Variants in KDM6B observed in about 807,000 individuals in gnomAD.
KDM6B encodes the protein lysine demethylase 6B, also known as lysine-specific demethylase 6B.
KDM6B carries 22 observed loss-of-function variants against 150.4 expected under a neutral mutation model. The ratio of observed to expected loss-of-function variants is 0.15; its 90% confidence interval spans 0.10 to 0.21. The LOEUF (loss-of-function observed/expected upper bound fraction) is 0.21. Ranked by LOEUF, KDM6B falls within the 10% of genes least tolerant of loss-of-function variation. KDM6B has a pLI of 1.00. For synonymous variants in KDM6B, 1,148 were observed against 921.1 expected (o/e 1.25, Z -4.46); for missense variants, 1,984 against 2,234.3 (o/e 0.89, Z 2.26).
In KDM6B at chr17:7,847,168, C is replaced by G. The variant is rs553264011; in HGVS notation, c.973C>G (p.Pro325Ala). ...AGCTCCAGCGTACACCGCGCACCCC[C>G]CTGGCCACCGGCTGGTCCCGGCTGC... is the stretch of plus-strand genomic sequence containing the variant. ...YPAPAYTAHP[P>A]GHRLVPAAPP... is the part of the protein sequence containing the mutation. Residue 325 changes from proline to alanine, a missense_variant, in exon 11 of 24, where the codon CCT becomes GCT. Physicochemically the swap from Pro to Ala is conservative, Grantham distance 27. Around this residue, in one of 13 missense-constraint regions of KDM6B, gnomAD observed 1,379 missense variants for 1,275.6 expected, o/e 1.08. Coordinates refer to ENST00000448097, the MANE Select transcript of KDM6B (RefSeq NM_001348716.2). 13 of 1,606,312 alleles carry G rather than the reference C, an allele frequency of 8.1e-6. No individual in the cohort carries two copies. In the South Asian group the frequency reaches 1.2e-4, roughly 15 times the overall value.
At position 7,847,576 on chromosome 17, in the gene KDM6B, C is replaced by T; in HGVS notation, c.1288C>T (p.Leu430=). ...PGADHYQTPA[L]EVSHHGRLGP... ...CGCTGACCATTACCAAACTCCCGCG[C>T]TGGAGGTCTCTCACCATGGCCGCCT... The change falls in exon 12 of 24, where the codon CTG becomes TTG. Residue 430 remains leucine, a synonymous_variant. Coordinates refer to ENST00000448097, the MANE Select transcript of KDM6B (RefSeq NM_001348716.2). The T allele has an allele frequency of 6.2e-7, 1 of 1,613,326 alleles. No individual in the cohort carries two copies. Among genetic ancestry groups the T allele is most frequent in the Non-Finnish European group, 8.5e-7 (1 of 1,179,944 alleles).
At position 7,854,712 on chromosome 17, in the gene KDM6B, G is replaced by A. The variant is rs751631671; in HGVS notation, c.*1191G>A. The A allele has an allele frequency of 4.3e-6, 1 of 230,246 alleles. No homozygotes were observed. Among genetic ancestry groups the A allele is most frequent in the Non-Finnish European group, 8.8e-6 (1 of 113,374 alleles). 14.3% of individuals were successfully genotyped at this position (230,246 alleles called of 1,614,324 possible). ...ACTGCACTGTCTCTCTGCCCCAGGGGCAGAGGGGTCTTCCCAACCCTACCC... is the reference window on the plus strand; with the variant it reads ...ACTGCACTGTCTCTCTGCCCCAGGGACAGAGGGGTCTTCCCAACCCTACCC... On this transcript the variant is annotated 3_prime_UTR_variant, in exon 24 of 24. Transcript: ENST00000448097.
rs1266301433 is a variant in KDM6B at position 7,848,430 on chromosome 17, A to C, written c.2142A>C (p.Gln714His). 6.2e-7 allele frequency: 1 copy of C among 1,613,124 alleles called. No homozygotes were observed. The highest frequency in any genetic ancestry group is 2.2e-5 in the East Asian group (1 of 44,866). ...ESIRKEEEQQQHEAGVAPQPP... is the reference protein window; with the variant it reads ...ESIRKEEEQQHHEAGVAPQPP... The stretch of plus-strand genomic sequence containing the variant: ...TTCGCAAGGAAGAGGAACAGCAACA[A>C]CACGAAGCAGGCGTGGCCCCCCAAC... Residue 714 changes from glutamine to histidine, a missense_variant, in exon 12 of 24, where the codon CAA becomes CAC. Around this residue, in one of 13 missense-constraint regions of KDM6B, gnomAD observed 1,379 missense variants for 1,275.6 expected, o/e 1.08. Transcript: ENST00000448097.
intron 20 of KDM6B, 47 bp downstream of exon 20, chr17:7,852,383 A>G: frequency 6.3e-7 from 1 of 1,593,618 alleles, no homozygotes; most frequent in African/African-American, 1.3e-5. Flanking sequence ...CCTCAGCGGC[A>G]AGGGCCTGGG....
At chr17:7,846,049 C>T (rs775880300) in intron 6 of KDM6B, 29 bp from the exon 7 acceptor site, 1 of 1,322,546 alleles carries the variant, frequency 7.6e-7, no homozygotes, top group Non-Finnish European at 1.1e-6. Context: ...CCAACCCCCA[C>T]CCACACCCCC....
At chr17:7,852,778 T>C in intron 21 of KDM6B, 142 bp downstream of exon 21, 1 of 1,337,472 alleles carries the variant, frequency 7.5e-7, no homozygotes, top group Non-Finnish European at 1.1e-6. Context: ...GGAGGCTAAC[T>C]AGGTCCTTGC....
chr17:7,847,537 C>A lies in KDM6B; in HGVS notation c.1258-9C>A, dbSNP rs750692519. On this transcript the variant is annotated splice_polypyrimidine_tract_variant and intron_variant, in intron 11 of 23. Coordinates refer to ENST00000448097, the MANE Select transcript of KDM6B (RefSeq NM_001348716.2). ...GCAATGCTCCTACCACCTGCTTCTA[C>A]ACTTGCAGCCCGGCGCTGACCATTA... is the stretch of plus-strand genomic sequence containing the variant. The A allele has an allele frequency of 1.2e-6, 2 of 1,613,208 alleles. No homozygotes were observed. The highest frequency in any genetic ancestry group is 3.3e-5 in the Admixed American group (2 of 59,986).
chr17:7,845,702 G>C lies in KDM6B; in HGVS notation c.137+11G>C. 2 of 1,614,090 alleles carry C rather than the reference G, an allele frequency of 1.2e-6. No individual in the cohort carries two copies. The highest frequency in any genetic ancestry group is 1.7e-6 in the Non-Finnish European group (2 of 1,180,010). Reference sequence around the variant, plus strand: ...GCTGCCTGGAGGCAGGTGAGAAGTTGGGGCCCTCTGTCTCCAGGCACACCT... The same window carrying C: ...GCTGCCTGGAGGCAGGTGAGAAGTTCGGGCCCTCTGTCTCCAGGCACACCT... On this transcript the variant is annotated intron_variant, in intron 5 of 23. Transcript: ENST00000448097.
intron 1 of KDM6B, among the ~76,000 whole-genome samples, chr17:7,836,678 C>T (rs865976578): frequency 6.6e-6 from 1 of 152,250 alleles, no homozygotes. Context: ...GGCAAGAGGC[C>T]TGAGTCCCTG....
chr17:7,838,086 T>G (rs111336820), intron 1 of KDM6B, among the ~76,000 whole-genome samples: 1 of 151,420 alleles, frequency 6.6e-6, no homozygotes, highest in African/African-American at 2.4e-5. Flanking sequence ...GTTCTTGATT[T>G]TGAAGCAAGA....
At chr17:7,850,427 G>A (rs1158959460) in intron 14 of KDM6B, among the ~76,000 whole-genome samples, 1 of 152,224 alleles carries the variant, frequency 6.6e-6, no homozygotes, top group African/African-American at 2.4e-5. Flanking sequence ...GAATAATACA[G>A]ATTTTAGAAA....
rs1479870600 is a variant in KDM6B at position 7,848,597 on chromosome 17, A to C, written c.2309A>C (p.Lys770Thr). ...TTTATQEEEK[K>T]PPPALPPPPP... is the part of the protein sequence containing the mutation. The stretch of plus-strand genomic sequence containing the variant: ...ACGGCCACCCAGGAAGAGGAGAAGA[A>C]GCCACCACCAGCCCTACCACCACCA... Residue 770 changes from lysine (K) to threonine (T), a missense_variant, in exon 12 of 24, where the codon AAG becomes ACG. Lys to Thr is a moderately conservative substitution (Grantham distance 78). Around this residue, in one of 13 missense-constraint regions of KDM6B, gnomAD observed 1,379 missense variants for 1,275.6 expected, o/e 1.08. Coordinates refer to ENST00000448097, the MANE Select transcript of KDM6B (RefSeq NM_001348716.2). 6 of 1,597,156 alleles carry C rather than the reference A, an allele frequency of 3.8e-6. No individual in the cohort carries two copies. The Middle Eastern group carries it at 8.8e-4, about 233-fold the overall frequency.
chr17:7,847,791 A>T lies in KDM6B; in HGVS notation c.1503A>T (p.Leu501Phe), dbSNP rs964819750. ...CAGCCCGAGAGGATGGAGAGATCTT[A>T]GAAGAGCTCTTCTTTGGGACTGAGG... ...CRAAREDGEI[L>F]EELFFGTEGP... Residue 501 changes from leucine to phenylalanine, a missense_variant, in exon 12 of 24, where the codon TTA becomes TTT. Coordinates refer to ENST00000448097, the MANE Select transcript of KDM6B (RefSeq NM_001348716.2). 1 of 1,544,590 alleles carries T rather than the reference A, an allele frequency of 6.5e-7. No individual in the cohort carries two copies. Among genetic ancestry groups the T allele is most frequent in the Non-Finnish European group, 8.7e-7 (1 of 1,146,174 alleles).
rs373904350 is a variant in KDM6B, at chr17:7,851,937, G to A, written c.4166-14G>A. On this transcript the variant is annotated splice_polypyrimidine_tract_variant and intron_variant, in intron 18 of 23. Coordinates refer to ENST00000448097, the MANE Select transcript of KDM6B (RefSeq NM_001348716.2). ...GACCTGGCCAGCCATGCCGTTCTCT[G>A]TCGACCCCTGCAGGCCACCAGGAGA... The A allele has an allele frequency of 3.1e-6, 5 of 1,612,710 alleles. No homozygotes were observed. The highest frequency in any genetic ancestry group is 3.3e-4 in the Middle Eastern group (2 of 6,084).
In KDM6B at chr17:7,848,229, C is replaced by G. The variant is rs762667743; in HGVS notation, c.1941C>G (p.Gly647=). ...AGGTGGGGCCGGGGCCACCCCCAGG[C>G]CCCCTGAGTAAAGCCCCCCAGCCTG... ...TPEVGPGPPP[G]PLSKAPQPVP... Residue 647 remains glycine, a synonymous_variant, in exon 12 of 24, where the codon GGC becomes GGG. Coordinates refer to ENST00000448097, the MANE Select transcript of KDM6B (RefSeq NM_001348716.2). The G allele has an allele frequency of 9.3e-6, 15 of 1,610,632 alleles. No homozygotes were observed. The highest frequency in any genetic ancestry group is 1.3e-5 in the Non-Finnish European group (15 of 1,178,232).
Position 7,834,294 on chromosome 17 carries a change from T to A in KDM6B, c.-444T>A, listed in dbSNP as rs1476822032. The stretch of plus-strand genomic sequence containing the variant: ...CCGGCCTGGGAGAAGGGGGGGCCGC[T>A]CGACCCCCTGGGATACCTTGGGGAG... On this transcript the variant is annotated 5_prime_UTR_variant, in exon 1 of 24. Transcript: ENST00000448097. 6.6e-6 allele frequency among the ~76,000 whole-genome samples: 1 copy of A among 151,396 alleles called. No homozygotes were observed. Among genetic ancestry groups the A allele is most frequent in the African/African-American group, 2.4e-5 (1 of 41,160 alleles).
At chr17:7,845,265 C>G in intron 3 of KDM6B, 49 bp from the exon 4 acceptor site, 1 of 560,970 alleles carries the variant, frequency 1.8e-6, no homozygotes. Context: ...GCCCCTGGGC[C>G]TTGACTGTGT....
chr17:7,848,141 C>A lies in KDM6B; in HGVS notation c.1853C>A (p.Thr618Asn). ...CCTCCTTCCTCCTGCCACCAAAATA[C>A]CTCAGGAAGCTTCAGGCGCCCGGAG... ...PAPPSSCHQN[T>N]SGSFRRPESP... The change falls in exon 12 of 24, where the codon ACC becomes AAC. Residue 618 changes from threonine to asparagine, a missense_variant. Around this residue, in one of 13 missense-constraint regions of KDM6B, gnomAD observed 1,379 missense variants for 1,275.6 expected, o/e 1.08. Transcript: ENST00000448097. 1 of 1,612,974 alleles carries A rather than the reference C, an allele frequency of 6.2e-7. No individual in the cohort carries two copies. The highest frequency in any genetic ancestry group is 8.5e-7 in the Non-Finnish European group (1 of 1,179,956).
At position 7,851,994 on chromosome 17, in the gene KDM6B, T is replaced by A; in HGVS notation, c.4209T>A (p.Ile1403=). Residue 1403 remains isoleucine (I), a synonymous_variant, in exon 19 of 24, where the codon ATT becomes ATA. Coordinates refer to ENST00000448097, the MANE Select transcript of KDM6B (RefSeq NM_001348716.2). ...ACTTCTGCTCCGTCAACATCAACAT[T>A]GGCCCAGGCGACTGCGAGTGGTTCG... The part of the protein sequence containing the change: ...NNNFCSVNIN[I]GPGDCEWFAV... 6.2e-7 allele frequency: 1 copy of A among 1,614,028 alleles called. No individual in the cohort carries two copies. Among genetic ancestry groups the A allele is most frequent in the Non-Finnish European group, 8.5e-7 (1 of 1,180,024 alleles).
Sources: gnomAD v4.1 joint callset for allele counts (sites outside exome capture counted in the v4.1 genomes callset) on GRCh38, gnomAD v4.1.1 for gene constraint, gnomAD v4.1.1 regional missense constraint, MANE v1.5 for transcripts, NCBI Gene and HGNC (gene_info 2026-07-23, HGNC 2026-07-21) for gene names.